TMTC2: variants seen among roughly 807,000 people sequenced by gnomAD.
TMTC2 encodes protein O-mannosyl-transferase TMTC2.
TMTC2 carries 43 observed loss-of-function variants against 82.4 expected under a neutral mutation model. That is an observed-to-expected ratio of 0.52 (90% CI 0.41 to 0.67). The LOEUF is 0.67. TMTC2 is among the 30% of genes least tolerant of loss of function. The probability of loss-of-function intolerance (pLI) is 0.00; values close to 1 mark genes in which losing one functional copy is unlikely to be tolerated. For synonymous variants in TMTC2, 408 were observed against 381.9 expected, an observed-to-expected ratio of 1.07 and a Z score of -0.80; for missense variants, 919 against 1,012.4, an observed-to-expected ratio of 0.91 and a Z score of 1.25.
intron 9 of TMTC2, among the ~76,000 whole-genome samples, chr12:83,032,010 T>TTATAAAA: frequency 6.6e-6 from 1 of 152,130 alleles, no homozygotes; most frequent in South Asian, 2.1e-4. Context: ...ATTTTTATTT[T>TTATAAAA]TATAGGTTTT....
intron 11 of TMTC2, among the ~76,000 whole-genome samples, chr12:83,104,599 G>A (rs1229405977): frequency 1.3e-5 from 2 of 152,222 alleles, no homozygotes; most frequent in Non-Finnish European, 2.9e-5. Context: ...GATGCAAGCA[G>A]CGGTCTCCCA....
At chr12:83,006,234 T>C (rs183162413) in intron 8 of TMTC2, among the ~76,000 whole-genome samples, 42 of 152,286 alleles carry the variant, frequency 2.8e-4, no homozygotes, top group Non-Finnish European at 4.9e-4. Context: ...CTCTTTAGCC[T>C]TGGTGCCTGC....
At chr12:83,013,052 T>C (rs1880530726) in intron 8 of TMTC2, among the ~76,000 whole-genome samples, 1 of 152,170 alleles carries the variant, frequency 6.6e-6, no homozygotes, top group African/African-American at 2.4e-5. Context: ...TTTAGAGTTT[T>C]GCTGTAGTTT....
intron 11 of TMTC2, among the ~76,000 whole-genome samples, chr12:83,097,407 G>A (rs1884066166): frequency 6.6e-6 from 1 of 152,044 alleles, no homozygotes; most frequent in African/African-American, 2.4e-5. Context: ...TTAACTCTTT[G>A]CTCCCGGCTT....
chr12:82,793,585 G>T (rs1033061327), intron 1 of TMTC2, among the ~76,000 whole-genome samples: 2 of 151,920 alleles, frequency 1.3e-5, no homozygotes, highest in Non-Finnish European at 2.9e-5. Flanking sequence ...CAAATGACAC[G>T]ATTTAATTTT....
chr12:82,870,181 G>A (rs776067989), intron 2 of TMTC2, among the ~76,000 whole-genome samples: 15 of 151,954 alleles, frequency 9.9e-5, no homozygotes, highest in African/African-American at 2.7e-4. Flanking sequence ...AAGCTTCCTC[G>A]TGAAATTGAG....
chr12:82,884,149 G>C (rs867206980), intron 2 of TMTC2, among the ~76,000 whole-genome samples: 5 of 152,272 alleles, frequency 3.3e-5, no homozygotes, highest in Middle Eastern at 6.8e-3. Flanking sequence ...GTTTCTAATA[G>C]TTAGCTCTAG....
chr12:82,952,183 G>A (rs1351328531), intron 4 of TMTC2, among the ~76,000 whole-genome samples: 1 of 151,706 alleles, frequency 6.6e-6, no homozygotes. Context: ...CTAGTATTTG[G>A]ATATGAAAAG....
chr12:83,132,181 A>G (rs760449304), intron 11 of TMTC2, 29 bp from the exon 12 acceptor site: 12 of 1,569,166 alleles, frequency 7.6e-6, no homozygotes, highest in South Asian at 4.8e-5. Context: ...ATGGCCTCCT[A>G]ATTGTTTTCC....
At chr12:82,896,773 A>G in intron 3 of TMTC2, 127 bp downstream of exon 3, 1 of 662,306 alleles carries the variant, frequency 1.5e-6, no homozygotes, top group South Asian at 2.8e-5. Flanking sequence ...TGTATCTTTC[A>G]TTCTTTTTAT....
intron 1 of TMTC2, among the ~76,000 whole-genome samples, chr12:82,729,384 G>C (rs1208793790): frequency 8.5e-5 from 13 of 152,116 alleles, no homozygotes; most frequent in African/African-American, 3.1e-4. Context: ...GTCTAGCTAA[G>C]GGTTTGTAAA....
rs1453171799 is a variant in TMTC2 at position 83,050,930 on chromosome 12, C to G, written c.2179C>G (p.Leu727Val). Residue 727 changes from leucine to valine, a missense_variant, in exon 10 of 12, where the codon CTC becomes GTC. Transcript: ENST00000321196. ...YGQFLLEEAR[L>V]IEAAEMAKKA... The stretch of plus-strand genomic sequence containing the variant: ...TCAGTTTCTTCTGGAAGAAGCTCGT[C>G]TCATAGAAGCAGCTGAGATGGCAAA... The G allele has an allele frequency of 8.1e-6, 13 of 1,612,800 alleles. No individual in the cohort carries two copies. The South Asian group carries it at 1.2e-4, about 15-fold the overall frequency.
At chr12:82,977,147 A>G (rs935458867) in intron 7 of TMTC2, among the ~76,000 whole-genome samples, 5 of 152,050 alleles carry the variant, frequency 3.3e-5, no homozygotes, top group African/African-American at 4.8e-5. Context: ...ATTGAATACT[A>G]TTCTCGAATG....
chr12:82,718,884 ATAGGATT>A (rs1215326847), intron 1 of TMTC2, among the ~76,000 whole-genome samples: 2 of 151,780 alleles, frequency 1.3e-5, no homozygotes, highest in Non-Finnish European at 2.9e-5. Flanking sequence ...CAGATTAAAC[ATAGGATT>A]TAGGATTTAG....
intron 1 of TMTC2, among the ~76,000 whole-genome samples, chr12:82,809,270 A>AT (rs1879382742): frequency 6.6e-6 from 1 of 152,094 alleles, no homozygotes; most frequent in East Asian, 1.9e-4. Flanking sequence ...TCTTCATAAG[A>AT]TTTTTTTAAC....
intron 4 of TMTC2, among the ~76,000 whole-genome samples, chr12:82,955,094 C>T (rs1191151556): frequency 6.6e-6 from 1 of 152,134 alleles, no homozygotes; most frequent in Non-Finnish European, 1.5e-5. Flanking sequence ...GGTTTTTCAA[C>T]TTTAGTGCTG....
At chr12:82,937,867 A>G (rs1876471144) in intron 4 of TMTC2, among the ~76,000 whole-genome samples, 2 of 150,030 alleles carry the variant, frequency 1.3e-5, no homozygotes, top group South Asian at 4.2e-4. Flanking sequence ...GACAGCAATG[A>G]AAGAAAGATG....
At chr12:82,748,292 CAG>C (rs1200593109) in intron 1 of TMTC2, among the ~76,000 whole-genome samples, 2 of 151,772 alleles carry the variant, frequency 1.3e-5, no homozygotes, top group African/African-American at 2.4e-5. Flanking sequence ...GCGTGGGCGA[CAG>C]AGTGTGACTG....
chr12:82,849,170 A>G (rs1168191757), intron 1 of TMTC2, among the ~76,000 whole-genome samples: 1 of 152,128 alleles, frequency 6.6e-6, no homozygotes, highest in African/African-American at 2.4e-5. Flanking sequence ...TTTTCTATCC[A>G]TAGCATGCAT....
Sources: allele counts gnomAD v4.1 joint callset (sites outside exome capture counted in the v4.1 genomes callset), GRCh38; gene constraint gnomAD v4.1.1; transcripts MANE v1.5; gene names NCBI Gene and HGNC (gene_info 2026-07-23, HGNC 2026-07-21).